The following SEC23A variants were observed in gnomAD, a reference collection of about 807,000 sequenced individuals.
SEC23A encodes the protein protein transport protein Sec23A.
SEC23A carries 56 observed loss-of-function variants against 103.7 expected under a neutral mutation model. That is an observed-to-expected ratio of 0.54 (90% CI 0.44 to 0.67). The LOEUF is 0.67. SEC23A is among the 30% of genes least tolerant of loss of function. The pLI is 0.00. For synonymous variants in SEC23A, 281 were observed against 293.0 expected (o/e 0.96, Z 0.42); for missense variants, 784 against 936.4 (o/e 0.84, Z 2.12).
intron 7 of SEC23A, among the ~76,000 whole-genome samples, chr14:39,077,236 A>AAAG: frequency 7.0e-6 from 1 of 143,730 alleles, no homozygotes; most frequent in Non-Finnish European, 1.5e-5. Flanking sequence ...TCAAAAAAAA[A>AAAG]AAAAAAAAAA....
At chr14:39,042,962 G>C in intron 16 of SEC23A, 90 bp from the exon 17 acceptor site, 1 of 863,118 alleles carries the variant, frequency 1.2e-6, no homozygotes, top group Non-Finnish European at 1.9e-6. Context: ...TATTTTCCAA[G>C]TTTCTTTTAT....
intron 13 of SEC23A, among the ~76,000 whole-genome samples, chr14:39,060,892 A>G (rs2139224115): frequency 6.6e-6 from 1 of 152,302 alleles, no homozygotes. Context: ...ATAAATTAGA[A>G]CATGACTATG....
chr14:39,061,576 T>C (rs931703202), intron 13 of SEC23A, among the ~76,000 whole-genome samples, 189 bp downstream of exon 13: 1 of 152,164 alleles, frequency 6.6e-6, no homozygotes, highest in African/African-American at 2.4e-5. Context: ...CTTTTTAAAA[T>C]TGCTCTTACG....
intron 7 of SEC23A, among the ~76,000 whole-genome samples, chr14:39,076,350 G>A (rs1283802802): frequency 1.3e-5 from 2 of 151,694 alleles, no homozygotes; most frequent in African/African-American, 4.8e-5. Context: ...TATTTCTCCT[G>A]CTTAACTCAT....
chr14:39,041,880 A>AAAG (rs1447323208), intron 17 of SEC23A, among the ~76,000 whole-genome samples: 1 of 151,942 alleles, frequency 6.6e-6, no homozygotes, highest in East Asian at 1.9e-4. Context: ...AAAAAAAAAA[A>AAAG]AAAAAAGTCC....
Position 39,096,086 on chromosome 14 carries a change from A to G in SEC23A, c.33T>C (p.Asn11=), listed in dbSNP as rs776513457. MTTYLEFIQQ[N]EERDGVRFSW... ...TAAATCGGACTCCATCTCGTTCTTC[A>G]TTTTGTTGAATGAATTCCAAATAGG... The change falls in exon 2 of 20, where the codon AAT becomes AAC. Residue 11 remains asparagine, a synonymous_variant. Transcript: ENST00000307712. The G allele has an allele frequency of 1.2e-6, 2 of 1,613,838 alleles. No individual in the cohort carries two copies. The highest frequency in any genetic ancestry group is 2.2e-5 in the East Asian group (1 of 44,874).
Position 39,042,704 on chromosome 14 carries a change from T to C in SEC23A, c.1986+82A>G, listed in dbSNP as rs1885687798. 13 of 830,114 alleles carry C rather than the reference T, an allele frequency of 1.6e-5. No homozygotes were observed. In the South Asian group the frequency reaches 1.7e-4, roughly 11 times the overall value. The allele number at this position is 830,114 out of a possible 1,614,324, so 51.4% of individuals were successfully genotyped here. On this transcript the variant is annotated intron_variant, in intron 17 of 19. Transcript: ENST00000307712. ...TCAAAGTTTATCATAGATGAAACAC[T>C]AGCCATACAATTAGAAGTAAGAAAA...
chr14:39,067,461 T>G (rs1303169484), intron 9 of SEC23A, among the ~76,000 whole-genome samples, 165 bp from the exon 10 acceptor site: 1 of 152,110 alleles, frequency 6.6e-6, no homozygotes, highest in East Asian at 1.9e-4. Context: ...TATGAGAATA[T>G]CCTCACCCCA....
At position 39,099,154 on chromosome 14, in the gene SEC23A, GTTTTTT is replaced by G. The variant is rs35763261; in HGVS notation, c.-21-3021_-21-3016del. Among the ~76,000 whole-genome samples, 332 of 83,684 alleles carry G rather than the reference GTTTTTT, an allele frequency of 4.0e-3. 2 individuals are homozygous for G. The highest frequency in any genetic ancestry group is 0.012 in the African/African-American group (304 of 25,456). The allele number at this position is 83,684 out of a possible 152,430, so 54.9% of individuals were successfully genotyped here. A position where few individuals can be genotyped will look rare whatever the true frequency, so the allele number is the denominator to read the frequency against. The stretch of plus-strand genomic sequence containing the variant: ...CAAGCAAACATTAAATTGTTTTTGG[GTTTTTT>G]TTTTTTTTTTTTTTTTTGACACGGA... On this transcript the variant is annotated intron_variant, in intron 1 of 19. Transcript: ENST00000307712.
intron 13 of SEC23A, among the ~76,000 whole-genome samples, chr14:39,059,287 A>AAAAAC (rs1886374522): frequency 1.0e-5 from 1 of 98,780 alleles, no homozygotes; most frequent in East Asian, 3.0e-4. Flanking sequence ...TTAAAAAAAA[A>AAAAAC]AAAAAAAAAA....
At chr14:39,072,148 C>T (rs1264533481) in intron 9 of SEC23A, among the ~76,000 whole-genome samples, 1 of 151,744 alleles carries the variant, frequency 6.6e-6, no homozygotes, top group Non-Finnish European at 1.5e-5. Context: ...AGGAGAAACA[C>T]TTGAACCCAG....
chr14:39,098,100 C>A lies in SEC23A; in HGVS notation c.-21-1961G>T, dbSNP rs557881559. On this transcript the variant is annotated intron_variant, in intron 1 of 19. Transcript: ENST00000307712. ...CAAGACTCCATCTCAAAAAAAAAAA[C>A]AAAACTATTTTGAAGGTAAATATAG... 7.3e-5 allele frequency among the ~76,000 whole-genome samples: 11 copies of A among 150,124 alleles called. No individual in the cohort carries two copies. In the South Asian group the frequency reaches 1.1e-3, roughly 14 times the overall value.
At chr14:39,039,153 G>T in intron 18 of SEC23A, 57 bp from the exon 19 acceptor site, 1 of 1,344,336 alleles carries the variant, frequency 7.4e-7, no homozygotes, top group Non-Finnish European at 1.1e-6. Flanking sequence ...GTCAATATCA[G>T]CTGAATAATT....
In SEC23A at chr14:39,096,681, T is replaced by A. The variant is rs371305210; in HGVS notation, c.-21-542A>T. ...CTTTTTTATTCACTCTAAAAGATGA[T>A]GGCAAAAAATAGTGTCTTATTTCTT... On this transcript the variant is annotated intron_variant, in intron 1 of 19. Transcript: ENST00000307712. Among the ~76,000 whole-genome samples the A allele has an allele frequency of 7.9e-5, 12 of 152,286 alleles. No individual in the cohort carries two copies. In the East Asian group the frequency reaches 1.2e-3, roughly 15 times the overall value.
intron 11 of SEC23A, 84 bp from the exon 12 acceptor site, chr14:39,063,497 C>T: frequency 2.4e-6 from 2 of 832,268 alleles, no homozygotes; most frequent in South Asian, 1.7e-5. Flanking sequence ...AAAAAGACCA[C>T]AGGAAAAAAA....
intron 5 of SEC23A, 38 bp from the exon 6 acceptor site, chr14:39,087,046 C>A: frequency 8.7e-7 from 1 of 1,155,544 alleles, no homozygotes; most frequent in Non-Finnish European, 1.3e-6. Flanking sequence ...CATTTAATTA[C>A]TTTTACAAAG....
chr14:39,091,673 T>C lies in SEC23A; in HGVS notation c.407A>G (p.Asp136Gly). ...TAAATCTTCATCTTCCATGCAAGTATCAACCACATAGAGGAATATCAAAGG... is the reference window on the plus strand; with the variant it reads ...TAAATCTTCATCTTCCATGCAAGTACCAACCACATAGAGGAATATCAAAGG... Reference protein sequence around the residue: ...QMPLIFLYVVDTCMEDEDLQA... With the variant: ...QMPLIFLYVVGTCMEDEDLQA... The change falls in exon 5 of 20, where the codon GAT (aspartate) becomes GGT (glycine). Residue 136 changes from aspartate to glycine, a missense_variant. Around this residue, in one of 2 missense-constraint regions of SEC23A, gnomAD observed 683 missense variants for 774.2 expected, o/e 0.88. Transcript: ENST00000307712. The C allele has an allele frequency of 6.2e-7, 1 of 1,613,986 alleles. No individual in the cohort carries two copies. The highest frequency in any genetic ancestry group is 2.2e-5 in the East Asian group (1 of 44,836).
At chr14:39,091,407 A>G (rs1049447692) in intron 5 of SEC23A, 70 bp downstream of exon 5, 1 of 1,135,794 alleles carries the variant, frequency 8.8e-7, no homozygotes, top group South Asian at 1.3e-5. Flanking sequence ...CTAGAAACAT[A>G]CAGAAGGCAT....
At chr14:39,049,226 C>G (rs573388169) in intron 14 of SEC23A, among the ~76,000 whole-genome samples, 8 of 152,004 alleles carry the variant, frequency 5.3e-5, no homozygotes, top group Non-Finnish European at 1.2e-4. Flanking sequence ...ACCTGTAATC[C>G]CAGCACTTTG....
Sources: allele counts gnomAD v4.1 joint callset (sites outside exome capture counted in the v4.1 genomes callset), GRCh38; gene constraint gnomAD v4.1.1; regional missense constraint gnomAD v4.1.1; transcripts MANE v1.5; gene names NCBI Gene and HGNC (gene_info 2026-07-23, HGNC 2026-07-21).